DAGLA: variants seen among roughly 807,000 people sequenced by gnomAD.
The protein encoded by DAGLA is diacylglycerol lipase-alpha.
Under a neutral mutation model 102.6 loss-of-function variants are expected in DAGLA, and 22 were observed. That is an observed-to-expected ratio of 0.21 (90% CI 0.15 to 0.31). The LOEUF (loss-of-function observed/expected upper bound fraction) is 0.31, where lower values mean the gene tolerates loss of function less well. Ranked by LOEUF, DAGLA falls within the 10% of genes least tolerant of loss-of-function variation. The pLI, the probability that DAGLA is intolerant of heterozygous loss-of-function variation, is 1.00. For missense variants in DAGLA, 927 were observed against 1,446.6 expected (o/e 0.64, Z 5.83); for synonymous variants, 578 against 628.9 (o/e 0.92, Z 1.21).
intron 1 of DAGLA, among the ~76,000 whole-genome samples, chr11:61,693,141 G>A (rs996931108): frequency 6.6e-6 from 1 of 151,334 alleles, no homozygotes; most frequent in Admixed American, 6.6e-5. Flanking sequence ...GACTGTAGGT[G>A]CCCGCCACCA....
At chr11:61,680,739 G>A (rs2064934812) in intron 1 of DAGLA, among the ~76,000 whole-genome samples, 1 of 152,038 alleles carries the variant, frequency 6.6e-6, no homozygotes, top group Non-Finnish European at 1.5e-5. Flanking sequence ...GGCACAGGCG[G>A]CGTGGTTTTC....
At chr11:61,720,932 C>A (rs779297838) in intron 3 of DAGLA, 42 bp downstream of exon 3, 9 of 1,569,676 alleles carry the variant, frequency 5.7e-6, no homozygotes, top group Non-Finnish European at 7.8e-6. Flanking sequence ...AGACAACTCC[C>A]ACCTCTCCAT....
chr11:61,706,192 G>A (rs529308906), intron 1 of DAGLA, among the ~76,000 whole-genome samples: 178 of 152,358 alleles, frequency 1.2e-3, no homozygotes, highest in Admixed American at 3.5e-3. Flanking sequence ...GAGGACAACC[G>A]TAGGACTGAG....
Position 61,744,037 on chromosome 11 carries a change from G to T in DAGLA, c.2677G>T (p.Gly893Trp). ...GGGGGGPASR[G>W]ELALHNGRLG... ...TGGGGGTGGCGGGCCGGCCTCCCGCGGGGAGCTGGCGCTGCACAATGGGCG... is the reference window on the plus strand; with the variant it reads ...TGGGGGTGGCGGGCCGGCCTCCCGCTGGGAGCTGGCGCTGCACAATGGGCG... The change falls in exon 20 of 20, where the codon GGG becomes TGG. Residue 893 changes from glycine (G) to tryptophan (W), a missense_variant. Around this residue, in one of 4 missense-constraint regions of DAGLA, gnomAD observed 434 missense variants for 503.3 expected, o/e 0.86. Coordinates refer to ENST00000257215, the MANE Select transcript of DAGLA (RefSeq NM_006133.3). The T allele has an allele frequency of 1.9e-6, 3 of 1,612,390 alleles. No homozygotes were observed. The highest frequency in any genetic ancestry group is 2.5e-6 in the Non-Finnish European group (3 of 1,179,810).
chr11:61,721,796 G>A (rs981912375), intron 3 of DAGLA, among the ~76,000 whole-genome samples: 1 of 152,266 alleles, frequency 6.6e-6, no homozygotes, highest in South Asian at 2.1e-4. Flanking sequence ...CTCACAGGGA[G>A]TGGGTGTTAT....
Position 61,686,881 on chromosome 11 carries a change from G to C in DAGLA, c.-45+6377G>C, listed in dbSNP as rs1749712500. Among the ~76,000 whole-genome samples the C allele has an allele frequency of 6.6e-6, 1 of 152,126 alleles. No individual in the cohort carries two copies. The highest frequency in any genetic ancestry group is 1.5e-5 in the Non-Finnish European group (1 of 67,998). ...GCCCCTGGCTGCTCCTGATGGGCAG[G>C]CCACACCGTGGAGTGGGCTCCCTGG... On this transcript the variant is annotated intron_variant, in intron 1 of 19. Coordinates refer to ENST00000257215, the MANE Select transcript of DAGLA (RefSeq NM_006133.3). The surrounding 1 kb of genome is among the most constrained non-coding windows in gnomAD (Gnocchi z 5.2).
At chr11:61,723,381 C>G in intron 4 of DAGLA, 53 bp from the exon 5 acceptor site, 1 of 1,591,128 alleles carries the variant, frequency 6.3e-7, no homozygotes. Context: ...AGCGGGTGAG[C>G]CAGAGAGGTG....
intron 9 of DAGLA, among the ~76,000 whole-genome samples, chr11:61,733,258 C>A (rs1229570058): frequency 6.6e-6 from 1 of 152,228 alleles, no homozygotes; most frequent in African/African-American, 2.4e-5. Context: ...CACACTGTTA[C>A]AGCCTCATGC....
rs536002289 is a variant in DAGLA, at chr11:61,738,200, A to C, written c.1649A>C (p.Lys550Thr). ...CTGGATGTCCTGCAGCGAAGCACCA[A>C]GCCCAAAGTGAGCCCCCACCTGGGC... ...QLLDVLQRSTKPKWRIIVGAT... is the reference protein window; with the variant it reads ...QLLDVLQRSTTPKWRIIVGAT... The change falls in exon 16 of 20, where the codon AAG becomes ACG. Residue 550 changes from lysine (K) to threonine (T), a missense_variant. Transcript: ENST00000257215. 6.8e-6 allele frequency: 11 copies of C among 1,612,614 alleles called. No homozygotes were observed. The highest frequency in any genetic ancestry group is 9.3e-6 in the Non-Finnish European group (11 of 1,179,920).
intron 1 of DAGLA, among the ~76,000 whole-genome samples, chr11:61,688,468 C>T (rs1324289979): frequency 6.6e-6 from 1 of 152,226 alleles, no homozygotes; most frequent in Non-Finnish European, 1.5e-5. Flanking sequence ...ATGAATTCTG[C>T]AGCTTGCCAG....
chr11:61,718,824 G>A (rs903109176), intron 1 of DAGLA, among the ~76,000 whole-genome samples: 3 of 152,228 alleles, frequency 2.0e-5, no homozygotes, highest in South Asian at 2.1e-4. Flanking sequence ...CGGGCCGGGC[G>A]GACATGCGGG....
chr11:61,743,239 C>T (rs1256535446), intron 19 of DAGLA, among the ~76,000 whole-genome samples: 2 of 151,964 alleles, frequency 1.3e-5, no homozygotes, highest in African/African-American at 4.8e-5. Context: ...GTGGCGGGCA[C>T]CTGTAGTCCC....
intron 1 of DAGLA, among the ~76,000 whole-genome samples, chr11:61,685,508 C>T (rs2064980246): frequency 6.6e-6 from 1 of 152,148 alleles, no homozygotes; most frequent in African/African-American, 2.4e-5. Flanking sequence ...AATGTTTCCA[C>T]TTGGACATAG....
intron 1 of DAGLA, among the ~76,000 whole-genome samples, chr11:61,718,861 G>T (rs952318564): frequency 1.3e-5 from 2 of 152,178 alleles, no homozygotes; most frequent in Non-Finnish European, 2.9e-5. Flanking sequence ...ACGCCCTCTC[G>T]CCCACCCTGG....
chr11:61,695,497 G>A (rs1444187055), intron 1 of DAGLA, among the ~76,000 whole-genome samples: 1 of 152,140 alleles, frequency 6.6e-6, no homozygotes, highest in Non-Finnish European at 1.5e-5. Flanking sequence ...AGCAGTGGGA[G>A]CTTCTTGTCT....
chr11:61,744,396 A>G lies in DAGLA; in HGVS notation c.3036A>G (p.Glu1012=), dbSNP rs1294742345. Residue 1012 remains glutamate, a synonymous_variant, in exon 20 of 20, where the codon GAA becomes GAG. Coordinates refer to ENST00000257215, the MANE Select transcript of DAGLA (RefSeq NM_006133.3). ...DLTPTGLSSQ[E]CLAADKIRTS... is the part of the protein sequence containing the mutation. ...CGCCCACGGGCCTCAGTAGCCAGGA[A>G]TGCCTGGCGGCTGACAAGATCCGGA... is the stretch of plus-strand genomic sequence containing the variant. 6.2e-7 allele frequency: 1 copy of G among 1,611,270 alleles called. No homozygotes were observed. Among genetic ancestry groups the G allele is most frequent in the East Asian group, 2.2e-5 (1 of 44,790 alleles).
In DAGLA at chr11:61,744,584, C is replaced by A; in HGVS notation, c.*95C>A. 1.9e-6 allele frequency: 2 copies of A among 1,077,162 alleles called. No individual in the cohort carries two copies. Among genetic ancestry groups the A allele is most frequent in the Non-Finnish European group, 2.7e-6 (2 of 754,476 alleles). The allele number at this position is 1,077,162 out of a possible 1,614,324, so 66.7% of individuals were successfully genotyped here. A position where few individuals can be genotyped will look rare whatever the true frequency, so the allele number is the denominator to read the frequency against. The stretch of plus-strand genomic sequence containing the variant: ...CCTGCCGGGCAGCTTTAAGGACAGA[C>A]CCCCAGGGGCAGTTTAGCCTCAGGC... On this transcript the variant is annotated 3_prime_UTR_variant, in exon 20 of 20. Coordinates refer to ENST00000257215, the MANE Select transcript of DAGLA (RefSeq NM_006133.3).
intron 8 of DAGLA, among the ~76,000 whole-genome samples, chr11:61,729,440 G>A (rs1290276949): frequency 6.6e-6 from 1 of 151,832 alleles, no homozygotes; most frequent in Non-Finnish European, 1.5e-5. Flanking sequence ...CCAGTAACAT[G>A]GTGGGAGAAC....
rs2014094 is a variant in DAGLA, at chr11:61,746,480, G to A, written c.*1991G>A. ...GTGGGCATGTCGTCCACCCCAGGAC[G>A]AGCCATCAGGGACAGACCCCCCACC... is the stretch of plus-strand genomic sequence containing the variant. On this transcript the variant is annotated 3_prime_UTR_variant, in exon 20 of 20. Transcript: ENST00000257215. 0.16 allele frequency: 24,144 copies of A among 152,492 alleles called. 2,173 individuals are homozygous for A. Among genetic ancestry groups the A allele is most frequent in the South Asian group, 0.33 (1,590 of 4,820 alleles). 9.4% of individuals were successfully genotyped at this position (152,492 alleles called of 1,614,324 possible).
Sources: gnomAD v4.1 joint callset for allele counts (sites outside exome capture counted in the v4.1 genomes callset) on GRCh38, gnomAD v4.1.1 for gene constraint, gnomAD v4.1.1 regional missense constraint, Gnocchi (gnomAD v3.1) non-coding constraint, MANE v1.5 for transcripts, NCBI Gene and HGNC (gene_info 2026-07-23, HGNC 2026-07-21) for gene names.